The following MYCBPAP variants were observed in gnomAD, a reference collection of about 807,000 sequenced individuals.
MYCBPAP encodes MYCBP-associated protein.
A neutral mutation model predicts 106.1 loss-of-function variants in MYCBPAP; 60 were observed. That is an observed-to-expected ratio of 0.57 (90% CI 0.46 to 0.70). MYCBPAP has a LOEUF of 0.70. Ranked by LOEUF, MYCBPAP falls within the 30% of genes least tolerant of loss-of-function variation. The pLI is 0.00. For missense variants in MYCBPAP, 1,064 were observed against 1,169.3 expected (o/e 0.91, Z 1.31); for synonymous variants, 407 against 440.6 (o/e 0.92, Z 0.95).
rs761448962 is a variant in MYCBPAP, at chr17:50,518,961, C to T, written c.653-13C>T. The T allele has an allele frequency of 2.5e-6, 4 of 1,608,956 alleles. No homozygotes were observed. In the Admixed American group the frequency reaches 6.7e-5, roughly 27 times the overall value. On this transcript the variant is annotated splice_polypyrimidine_tract_variant and intron_variant, in intron 5 of 18. Coordinates refer to ENST00000323776, the MANE Select transcript of MYCBPAP (RefSeq NM_032133.6). ...GTTCGGCAGAGTGGCGGCAATCTTG[C>T]CTCTCTCTCTAGAACACCTAAAGAA...
chr17:50,525,785 C>T (rs1167088123), intron 13 of MYCBPAP, 96 bp from the exon 14 acceptor site: 2 of 1,425,562 alleles, frequency 1.4e-6, no homozygotes, highest in Admixed American at 4.6e-5. Flanking sequence ...GCCACTGTGC[C>T]TGGCCCTTGT....
At position 50,526,215 on chromosome 17, in the gene MYCBPAP, C is replaced by T. The variant is rs528866133; in HGVS notation, c.2117C>T (p.Pro706Leu). 96 of 1,612,904 alleles carry T rather than the reference C, an allele frequency of 6.0e-5. No homozygotes were observed. The South Asian group carries it at 7.9e-4, about 13-fold the overall frequency. Residue 706 changes from proline to leucine, a missense_variant, in exon 14 of 19, where the codon CCG (proline) becomes CTG (leucine). Physicochemically the swap from Pro to Leu is moderately conservative, Grantham distance 98. Transcript: ENST00000323776. ...DVDSTKSPWEPDGLPLLEWNL... is the reference protein window; with the variant it reads ...DVDSTKSPWELDGLPLLEWNL... ...GACAGCACCAAGAGCCCCTGGGAGC[C>T]GGATGGCCTTCCCCTGCTGGAGTGG... is the stretch of plus-strand genomic sequence containing the variant.
At chr17:50,531,174 CA>C (rs1280345519) in intron 18 of MYCBPAP, among the ~76,000 whole-genome samples, 152 bp from the exon 19 acceptor site, 1 of 151,846 alleles carries the variant, frequency 6.6e-6, no homozygotes, top group Admixed American at 6.6e-5. Context: ...TCTGCAAAAC[CA>C]AAAATTATTT....
chr17:50,530,550 C>A (rs187657870), intron 18 of MYCBPAP, among the ~76,000 whole-genome samples: 151 of 151,238 alleles, frequency 1.0e-3, no homozygotes, highest in Non-Finnish European at 1.5e-3. Flanking sequence ...AATCCTAGCA[C>A]GTTGGAAGGC....
chr17:50,519,533 C>T, intron 6 of MYCBPAP, 107 bp from the exon 7 acceptor site: 2 of 1,331,080 alleles, frequency 1.5e-6, no homozygotes, highest in East Asian at 4.7e-5. Context: ...ATGAATTCCC[C>T]AGAGGAAGCA....
At chr17:50,527,184 C>G in intron 14 of MYCBPAP, 103 bp from the exon 15 acceptor site, 1 of 1,520,500 alleles carries the variant, frequency 6.6e-7, no homozygotes, top group East Asian at 2.3e-5. Context: ...GCATCCCCTC[C>G]TGGTTCCTGG....
At chr17:50,516,245 C>G (rs899911275) in intron 1 of MYCBPAP, among the ~76,000 whole-genome samples, 1 of 152,208 alleles carries the variant, frequency 6.6e-6, no homozygotes, top group African/African-American at 2.4e-5. Flanking sequence ...CTGTGTCAGC[C>G]TCCTAAAGTG....
At chr17:50,519,157 C>G (rs2034166441) in intron 6 of MYCBPAP, 68 bp downstream of exon 6, 1 of 1,143,146 alleles carries the variant, frequency 8.7e-7, no homozygotes. Context: ...GGGCAGGTGT[C>G]TGGACACAGG....
Position 50,508,566 on chromosome 17 carries a change from C to A in MYCBPAP, c.-109C>A. The A allele has an allele frequency of 1.3e-6, 2 of 1,547,538 alleles. No homozygotes were observed. Among genetic ancestry groups the A allele is most frequent in the Non-Finnish European group, 1.7e-6 (2 of 1,146,016 alleles). On this transcript the variant is annotated 5_prime_UTR_variant, in exon 1 of 19. Coordinates refer to ENST00000323776, the MANE Select transcript of MYCBPAP (RefSeq NM_032133.6). Reference sequence around the variant, plus strand: ...GGTGGATGCGCGCCCCCGCGCGGGGCACCGGTTGCTGTGGACGCAGTGGCG... The same window carrying A: ...GGTGGATGCGCGCCCCCGCGCGGGGAACCGGTTGCTGTGGACGCAGTGGCG...
At position 50,531,425 on chromosome 17, in the gene MYCBPAP, G is replaced by T; in HGVS notation, c.2823G>T (p.Arg941Ser). Residue 941 changes from arginine (R) to serine (S), a missense_variant, in exon 19 of 19, where the codon AGG (arginine) becomes AGT (serine). Arg to Ser is a moderately radical substitution (Grantham distance 110). Transcript: ENST00000323776. Reference sequence around the variant, plus strand: ...TCGAGGAGGCTTTGCGCCTCTGCAGGTGACTCTCGGGCCCAAGCAACCTTC... The same window carrying T: ...TCGAGGAGGCTTTGCGCCTCTGCAGTTGACTCTCGGGCCCAAGCAACCTTC... ...KNVEEALRLC[R>S] is the part of the protein sequence containing the mutation. 1 of 1,607,188 alleles carries T rather than the reference G, an allele frequency of 6.2e-7. No individual in the cohort carries two copies. The highest frequency in any genetic ancestry group is 8.5e-7 in the Non-Finnish European group (1 of 1,177,628).
At position 50,527,308 on chromosome 17, in the gene MYCBPAP, G is replaced by A. The variant is rs1482019862; in HGVS notation, c.2191G>A (p.Glu731Lys). ...FRKAVMVLPD[E>K]NHREDALMRL... ...CCAGGCAGTGATGGTGCTCCCTGAT[G>A]AGAACCACAGAGAGGATGCGTTGAT... is the stretch of plus-strand genomic sequence containing the variant. The change falls in exon 15 of 19, where the codon GAG becomes AAG. Residue 731 changes from glutamate to lysine, a missense_variant. Physicochemically the swap from Glu to Lys is moderately conservative, Grantham distance 56. Coordinates refer to ENST00000323776, the MANE Select transcript of MYCBPAP (RefSeq NM_032133.6). 6.2e-7 allele frequency: 1 copy of A among 1,614,082 alleles called. No homozygotes were observed. Among genetic ancestry groups the A allele is most frequent in the Admixed American group, 1.7e-5 (1 of 60,010 alleles).
rs866754995 is a variant in MYCBPAP at position 50,526,144 on chromosome 17, G to A, written c.2046G>A (p.Arg682=). 2 of 1,613,746 alleles carry A rather than the reference G, an allele frequency of 1.2e-6. No homozygotes were observed. Among genetic ancestry groups the A allele is most frequent in the Middle Eastern group, 3.3e-4 (2 of 6,062 alleles). ...GAGTGGGGACCAAGAGTCCTCAGCG[G>A]AAGAGCATCATGGAGGAGATCCTGG... is the stretch of plus-strand genomic sequence containing the variant. ...KARVGTKSPQ[R]KSIMEEILVE... Residue 682 remains arginine, a synonymous_variant, in exon 14 of 19, where the codon CGG becomes CGA. Transcript: ENST00000323776.
intron 18 of MYCBPAP, chr17:50,530,230 G>A (rs1275369127): frequency 4.6e-6 from 2 of 437,760 alleles, no homozygotes; most frequent in South Asian, 1.6e-5. Flanking sequence ...GCGGTGGCTC[G>A]TGCCTGTAAT....
intron 12 of MYCBPAP, among the ~76,000 whole-genome samples, 166 bp from the exon 13 acceptor site, chr17:50,524,711 C>CGTGTGTGTGT (rs1555621272): frequency 1.1e-4 from 15 of 138,916 alleles, no homozygotes; most frequent in African/African-American, 2.6e-4. Context: ...TTAGAACAGG[C>CGTGTGTGTGT]GTGTGTGTGT....
At chr17:50,519,444 G>T (rs7222327) in intron 6 of MYCBPAP, 196 bp from the exon 7 acceptor site, 24,052 of 665,010 alleles carry the variant, frequency 0.036, 725 homozygotes, top group African/African-American at 0.12. Flanking sequence ...ACACCATCTG[G>T]CTGGGGGCAG....
chr17:50,519,041 G>A lies in MYCBPAP; in HGVS notation c.720G>A (p.Glu240=), dbSNP rs139990346. The A allele has an allele frequency of 1.2e-4, 197 of 1,614,042 alleles. No homozygotes were observed. The African/African-American group carries it at 2.3e-3, about 19-fold the overall frequency. Residue 240 remains glutamate (E), a synonymous_variant, in exon 6 of 19, where the codon GAG becomes GAA. Transcript: ENST00000323776. ...GGGAGACCTACAGACGGATCCAGGA[G>A]GAGCGGGAGCTCATTGACTGCACAC... The part of the protein sequence containing the change: ...HTGETYRRIQ[E]ERELIDCTLP...
intron 5 of MYCBPAP, 50 bp from the exon 6 acceptor site, chr17:50,518,924 C>G: frequency 6.4e-7 from 1 of 1,561,264 alleles, no homozygotes; most frequent in South Asian, 1.1e-5. Context: ...GCCAAGGCCC[C>G]TGTTTGTTCT....
rs1307241404 is a variant in MYCBPAP, at chr17:50,508,593, C to T, written c.-82C>T. 1.3e-6 allele frequency: 2 copies of T among 1,556,556 alleles called. No homozygotes were observed. Among genetic ancestry groups the T allele is most frequent in the African/African-American group, 2.7e-5 (2 of 72,898 alleles). ...CCGGTTGCTGTGGACGCAGTGGCGG[C>T]CGTTGGCTGGCGGGTGCGGCGCAGC... On this transcript the variant is annotated 5_prime_UTR_variant, in exon 1 of 19. Transcript: ENST00000323776.
Position 50,518,697 on chromosome 17 carries a change from C to A in MYCBPAP, c.625C>A (p.Arg209=), listed in dbSNP as rs375764260. The A allele has an allele frequency of 1.3e-6, 2 of 1,593,060 alleles. No individual in the cohort carries two copies. Among genetic ancestry groups the A allele is most frequent in the Non-Finnish European group, 1.7e-6 (2 of 1,172,336 alleles). The change falls in exon 5 of 19, where the codon CGG becomes AGG. Residue 209 remains arginine, a synonymous_variant. Coordinates refer to ENST00000323776, the MANE Select transcript of MYCBPAP (RefSeq NM_032133.6). The part of the protein sequence containing the change: ...LKNWQRNTAL[R]KKQQEALSEH... ...AAACTGGCAGCGTAACACAGCCCTG[C>A]GGAAGAAGCAGCAGGAAGCCCTCAG...
Sources: allele counts gnomAD v4.1 joint callset (sites outside exome capture counted in the v4.1 genomes callset), GRCh38; gene constraint gnomAD v4.1.1; transcripts MANE v1.5; gene names NCBI Gene and HGNC (gene_info 2026-07-23, HGNC 2026-07-21).